The following GALNT17 variants were observed in gnomAD, a reference collection of about 807,000 sequenced individuals.
GALNT17 encodes UDP-GalNAc:polypeptide N-acetylgalactosaminyltransferase-like 3.
In GALNT17, 29 loss-of-function variants were observed where a neutral mutation model predicts 63.7. The ratio of observed to expected loss-of-function variants is 0.46; its 90% CI spans 0.34 to 0.62. The LOEUF is 0.62. Among genes scored for constraint, GALNT17 ranks in the 20% least tolerant of loss-of-function variants. The probability of loss-of-function intolerance (pLI) is 0.01; values close to 1 mark genes in which losing one functional copy is unlikely to be tolerated. For synonymous variants in GALNT17, 305 were observed against 318.3 expected (o/e 0.96, Z 0.45); for missense variants, 603 against 799.6 (o/e 0.75, Z 2.97).
intron 6 of GALNT17, among the ~76,000 whole-genome samples, chr7:71,575,537 T>C (rs373832228): frequency 4.6e-5 from 7 of 152,112 alleles, no homozygotes; most frequent in African/African-American, 7.2e-5. Flanking sequence ...TACAGGTGCC[T>C]GCCACCTCAC....
chr7:71,336,657 A>G (rs1233929050), intron 2 of GALNT17, among the ~76,000 whole-genome samples: 2 of 152,174 alleles, frequency 1.3e-5, no homozygotes, highest in African/African-American at 4.8e-5. Context: ...GGTTGCCGCA[A>G]AGGACATGAT....
chr7:71,457,489 G>A (rs922769323), intron 5 of GALNT17, among the ~76,000 whole-genome samples: 4 of 152,194 alleles, frequency 2.6e-5, no homozygotes, highest in Admixed American at 2.0e-4. Context: ...GAAAGTAAAG[G>A]AATAAAAGAA....
chr7:71,680,620 C>T (rs146686975), intron 9 of GALNT17, among the ~76,000 whole-genome samples: 75 of 928 alleles, frequency 0.081, 37 homozygotes, highest in Non-Finnish European at 0.65. Flanking sequence ...CCCTCTCTCC[C>T]TCCTTCCTTT....
chr7:71,340,483 G>C (rs1164194368), intron 2 of GALNT17, among the ~76,000 whole-genome samples: 1 of 152,138 alleles, frequency 6.6e-6, no homozygotes, highest in Non-Finnish European at 1.5e-5. Flanking sequence ...AAATGGCTGG[G>C]TTCTGCTCAT....
chr7:71,162,968 A>T (rs56795865), intron 1 of GALNT17, among the ~76,000 whole-genome samples: 2,788 of 152,316 alleles, frequency 0.018, 89 homozygotes, highest in African/African-American at 0.064. Flanking sequence ...TGTGGAGGAC[A>T]AGTGTAGAAG....
intron 9 of GALNT17, among the ~76,000 whole-genome samples, chr7:71,698,404 T>C (rs1394604671): frequency 6.6e-6 from 1 of 152,108 alleles, no homozygotes; most frequent in African/African-American, 2.4e-5. Context: ...ATAAGAATAA[T>C]GTCTAATTTG....
At chr7:71,475,726 A>G (rs1787711752) in intron 5 of GALNT17, among the ~76,000 whole-genome samples, 1 of 152,158 alleles carries the variant, frequency 6.6e-6, no homozygotes, top group Non-Finnish European at 1.5e-5. Flanking sequence ...GCCACAGGAA[A>G]TTGCCTACAA....
At chr7:71,505,908 C>G (rs1483790203) in intron 5 of GALNT17, among the ~76,000 whole-genome samples, 1 of 152,212 alleles carries the variant, frequency 6.6e-6, no homozygotes, top group African/African-American at 2.4e-5. Context: ...TTTCTCTTAG[C>G]TCCATAATAA....
At chr7:71,305,426 C>T (rs549527649) in intron 1 of GALNT17, among the ~76,000 whole-genome samples, 7 of 152,292 alleles carry the variant, frequency 4.6e-5, no homozygotes, top group African/African-American at 1.2e-4. Flanking sequence ...AACTAACCCA[C>T]GGCAAGGATA....
At chr7:71,380,542 G>A (rs1334548188) in intron 2 of GALNT17, among the ~76,000 whole-genome samples, 2 of 151,828 alleles carry the variant, frequency 1.3e-5, no homozygotes, top group Admixed American at 6.6e-5. Flanking sequence ...GGCTGGTCTC[G>A]AACTCCTGGC....
intron 1 of GALNT17, among the ~76,000 whole-genome samples, chr7:71,288,215 C>CAAAAAAAAAA (rs59555320): frequency 1.2e-5 from 1 of 83,840 alleles, no homozygotes; most frequent in African/African-American, 5.3e-5. Flanking sequence ...GACTCCATCT[C>CAAAAAAAAAA]AAAAAAAAAA....
intron 5 of GALNT17, among the ~76,000 whole-genome samples, chr7:71,550,929 G>T (rs770100675): frequency 1.3e-5 from 2 of 151,746 alleles, no homozygotes; most frequent in African/African-American, 2.4e-5. Context: ...CCATTATGAT[G>T]TATCTAAGGA....
At chr7:71,700,295 G>A (rs1369408353) in intron 9 of GALNT17, among the ~76,000 whole-genome samples, 1 of 146,818 alleles carries the variant, frequency 6.8e-6, no homozygotes, top group South Asian at 2.1e-4. Flanking sequence ...GTGACATAGT[G>A]AGACTTTCTC....
At chr7:71,483,056 C>G (rs546391896) in intron 5 of GALNT17, among the ~76,000 whole-genome samples, 1 of 152,290 alleles carries the variant, frequency 6.6e-6, no homozygotes, top group East Asian at 1.9e-4. Flanking sequence ...GGTCACAGAT[C>G]AGTACTGGTC....
intron 5 of GALNT17, among the ~76,000 whole-genome samples, chr7:71,421,756 C>G (rs1342653397): frequency 6.6e-6 from 1 of 152,084 alleles, no homozygotes; most frequent in African/African-American, 2.4e-5. Flanking sequence ...TCGAGATCAG[C>G]CTGGCCAACA....
chr7:71,570,888 G>T (rs753274594), intron 5 of GALNT17, among the ~76,000 whole-genome samples: 1 of 152,164 alleles, frequency 6.6e-6, no homozygotes, highest in Non-Finnish European at 1.5e-5. Context: ...TGAGGCAGGA[G>T]AATTGCTTGA....
intron 3 of GALNT17, among the ~76,000 whole-genome samples, chr7:71,410,596 C>T (rs904101425): frequency 6.6e-6 from 1 of 152,198 alleles, no homozygotes; most frequent in Non-Finnish European, 1.5e-5. Flanking sequence ...TCTACTAGGT[C>T]AATACTTGCT....
intron 6 of GALNT17, among the ~76,000 whole-genome samples, chr7:71,625,255 CT>C (rs1790355032): frequency 6.6e-6 from 1 of 152,180 alleles, no homozygotes; most frequent in Admixed American, 6.5e-5. Flanking sequence ...AGCAGTTCCC[CT>C]GACTCAGCCT....
rs559835251 is a variant in GALNT17, at chr7:71,270,449, C to T, written c.239-65101C>T. Among the ~76,000 whole-genome samples the T allele has an allele frequency of 4.0e-5, 6 of 149,360 alleles. No homozygotes were observed. In the East Asian group the frequency reaches 6.0e-4, roughly 15 times the overall value. On this transcript the variant is annotated intron_variant, in intron 1 of 10. Transcript: ENST00000333538. ...CTGAGGCAGGAGAATCATTTGAACC[C>T]GGGAGGCAAAGGTTGCAGTGAGCCG...
Sources: gnomAD v4.1 joint callset for allele counts (sites outside exome capture counted in the v4.1 genomes callset) on GRCh38, gnomAD v4.1.1 for gene constraint, MANE v1.5 for transcripts, NCBI Gene and HGNC (gene_info 2026-07-23, HGNC 2026-07-21) for gene names.